Variants in LY86 observed in about 807,000 individuals in gnomAD.
LY86 encodes MD-1, RP105-associated.
A neutral mutation model predicts 17.3 loss-of-function variants in LY86; 20 were observed. The observed-to-expected ratio is 1.15, with a 90% CI of 0.81 to 1.68. The LOEUF (loss-of-function observed/expected upper bound fraction) is 1.68. LY86 is among the 40% of genes most tolerant of loss of function. LY86 has a pLI of 0.00. For synonymous variants in LY86, 74 were observed against 70.6 expected (o/e 1.05, Z -0.24); for missense variants, 200 against 191.9 (o/e 1.04, Z -0.25).
intron 1 of LY86, among the ~76,000 whole-genome samples, chr6:6,617,035 C>T (rs1761572507): frequency 6.6e-6 from 1 of 152,238 alleles, no homozygotes; most frequent in African/African-American, 2.4e-5. Flanking sequence ...AACGTCCAAT[C>T]TTCCATTGTA....
chr6:6,637,004 G>GTTTT lies in LY86; in HGVS notation c.352+10601_352+10604dup, dbSNP rs34996349. ...AAATGGAATGAAAGGAAGCATATTG[G>GTTTT]TTTTTTTTTTTTTTTTTTTTTAATG... On this transcript the variant is annotated intron_variant, in intron 3 of 4. Coordinates refer to ENST00000230568, the MANE Select transcript of LY86 (RefSeq NM_004271.4). 6.3e-4 allele frequency among the ~76,000 whole-genome samples: 69 copies of GTTTT among 109,834 alleles called. 1 individual carries two copies. In the East Asian group the frequency reaches 0.017, roughly 28 times the overall value. The allele number at this position is 109,834 out of a possible 152,430, so 72.1% of individuals were successfully genotyped here.
At chr6:6,606,020 C>T (rs1561780007) in intron 1 of LY86, among the ~76,000 whole-genome samples, 2 of 152,208 alleles carry the variant, frequency 1.3e-5, no homozygotes, top group Non-Finnish European at 2.9e-5. Context: ...AACAAAACTT[C>T]CACAGCACGT....
At chr6:6,626,176 C>G (rs964728081) in intron 2 of LY86, 117 bp from the exon 3 acceptor site, 1 of 991,834 alleles carries the variant, frequency 1.0e-6, no homozygotes, top group Non-Finnish European at 1.5e-6. Flanking sequence ...GTTCCCCACA[C>G]AGAGAAGATT....
intron 3 of LY86, among the ~76,000 whole-genome samples, chr6:6,635,264 T>C (rs745953820): frequency 6.6e-6 from 1 of 152,236 alleles, no homozygotes; most frequent in African/African-American, 2.4e-5. Flanking sequence ...ACAAATTTTA[T>C]ATTTACTATT....
chr6:6,613,529 C>G (rs958806309), intron 1 of LY86, among the ~76,000 whole-genome samples: 2 of 152,186 alleles, frequency 1.3e-5, no homozygotes, highest in African/African-American at 2.4e-5. Context: ...GCTGTCAGGC[C>G]GGCCGCTCCG....
chr6:6,612,505 AC>A (rs1250244971), intron 1 of LY86, among the ~76,000 whole-genome samples: 1 of 139,274 alleles, frequency 7.2e-6, no homozygotes, highest in Non-Finnish European at 1.5e-5. Flanking sequence ...AAAAACACTT[AC>A]TGCAAAAAGC....
At chr6:6,621,610 G>A (rs1267112377) in intron 1 of LY86, 1 of 152,204 alleles carries the variant, frequency 6.6e-6, no homozygotes, top group Non-Finnish European at 1.5e-5. Context: ...CATCTGGTGG[G>A]TAGAGACCAG....
chr6:6,635,589 A>G (rs1418500507), intron 3 of LY86, among the ~76,000 whole-genome samples: 1 of 152,180 alleles, frequency 6.6e-6, no homozygotes, highest in Non-Finnish European at 1.5e-5. Context: ...CACCTATGTT[A>G]TACTTGTTTG....
intron 1 of LY86, among the ~76,000 whole-genome samples, chr6:6,601,812 C>T (rs544862448): frequency 2.6e-5 from 4 of 152,306 alleles, no homozygotes; most frequent in East Asian, 3.9e-4. Context: ...TGTTTCCCTC[C>T]ATCTTATTGC....
chr6:6,633,350 A>G (rs1178174591), intron 3 of LY86, among the ~76,000 whole-genome samples: 1 of 152,250 alleles, frequency 6.6e-6, no homozygotes, highest in Non-Finnish European at 1.5e-5. Flanking sequence ...TAAAGTAAAT[A>G]GAATGAACAC....
At chr6:6,623,444 C>T (rs9504873) in intron 1 of LY86, among the ~76,000 whole-genome samples, 39,810 of 152,152 alleles carry the variant, frequency 0.26, 6,162 homozygotes, top group Non-Finnish European at 0.33. Context: ...CAGTGACACT[C>T]CCAGCAAGTA....
intron 1 of LY86, among the ~76,000 whole-genome samples, chr6:6,607,555 G>GGA (rs1301350572): frequency 6.6e-6 from 1 of 152,082 alleles, no homozygotes; most frequent in Non-Finnish European, 1.5e-5. Context: ...AAAGAAGGGA[G>GGA]GAAAGGCATA....
intron 2 of LY86, 58 bp downstream of exon 2, chr6:6,625,070 A>G (rs1761762068): frequency 1.3e-6 from 1 of 752,866 alleles, no homozygotes; most frequent in Non-Finnish European, 2.2e-6. Flanking sequence ...TTCCAACTCC[A>G]CACACCCAAT....
At chr6:6,610,997 T>A (rs146118399) in intron 1 of LY86, among the ~76,000 whole-genome samples, 1 of 152,190 alleles carries the variant, frequency 6.6e-6, no homozygotes, top group African/African-American at 2.4e-5. Flanking sequence ...CTTTAAGCAA[T>A]AGAGGAAAAG....
intron 1 of LY86, among the ~76,000 whole-genome samples, chr6:6,602,479 G>T (rs951126768): frequency 6.6e-6 from 1 of 152,224 alleles, no homozygotes; most frequent in Non-Finnish European, 1.5e-5. Context: ...TACTCAATGT[G>T]AATTACAGGA....
At chr6:6,606,468 C>A (rs748398332) in intron 1 of LY86, among the ~76,000 whole-genome samples, 73 of 152,202 alleles carry the variant, frequency 4.8e-4, no homozygotes, top group Non-Finnish European at 2.8e-4. Context: ...ACACCGCGCA[C>A]CCGCACTCCT....
intron 1 of LY86, among the ~76,000 whole-genome samples, chr6:6,592,270 A>G (rs1343393598): frequency 6.6e-6 from 1 of 152,230 alleles, no homozygotes; most frequent in Admixed American, 6.5e-5. Context: ...CCAACTGTCA[A>G]TGACACAGGA....
chr6:6,653,862 C>A (rs116383647), intron 4 of LY86, among the ~76,000 whole-genome samples: 1 of 152,208 alleles, frequency 6.6e-6, no homozygotes, highest in Admixed American at 6.5e-5. Context: ...AGCCTTCCCC[C>A]ACCTCCACCT....
intron 1 of LY86, among the ~76,000 whole-genome samples, chr6:6,613,680 C>T (rs1393866825): frequency 6.6e-6 from 1 of 152,368 alleles, no homozygotes; most frequent in East Asian, 1.9e-4. Context: ...TTGGCCAGCC[C>T]AGAAAGGGGT....
Sources: gnomAD v4.1 joint callset for allele counts (sites outside exome capture counted in the v4.1 genomes callset) on GRCh38, gnomAD v4.1.1 for gene constraint, MANE v1.5 for transcripts, NCBI Gene and HGNC (gene_info 2026-07-23, HGNC 2026-07-21) for gene names.